OTULINL: variants seen among roughly 807,000 people sequenced by gnomAD.
OTULINL encodes inactive ubiquitin thioesterase OTULINL.
Under a neutral mutation model 43.9 loss-of-function variants are expected in OTULINL, and 42 were observed. The ratio of observed to expected loss-of-function variants is 0.96; its 90% CI spans 0.75 to 1.24. OTULINL has a LOEUF of 1.24. Ranked by LOEUF, OTULINL falls within the 50% of genes most tolerant of loss-of-function variation. OTULINL has a pLI of 0.00. For synonymous variants in OTULINL, 172 were observed against 153.6 expected (o/e 1.12, Z -0.88); for missense variants, 411 against 426.4 (o/e 0.96, Z 0.32).
Position 14,597,136 on chromosome 5 carries a change from G to A in OTULINL, c.65-3829G>A, listed in dbSNP as rs1167129239. On this transcript the variant is annotated intron_variant, in intron 1 of 7. Coordinates refer to ENST00000274217, the MANE Select transcript of OTULINL (RefSeq NM_019018.3). Reference sequence around the variant, plus strand: ...CCTCAAAGTTTTCTCTGCAAAATAAGGGTTACTAGAGTAATAACAATAAAA... The same window carrying A: ...CCTCAAAGTTTTCTCTGCAAAATAAAGGTTACTAGAGTAATAACAATAAAA... Among the ~76,000 whole-genome samples the A allele has an allele frequency of 5.3e-5, 8 of 152,220 alleles. No individual in the cohort carries two copies. The Middle Eastern group carries it at 0.01, about 194-fold the overall frequency.
intron 1 of OTULINL, among the ~76,000 whole-genome samples, chr5:14,598,214 A>G (rs1317417627): frequency 6.6e-6 from 1 of 152,172 alleles, no homozygotes; most frequent in Non-Finnish European, 1.5e-5. Flanking sequence ...AGCCATCCCC[A>G]CTTCAGTGAC....
At position 14,614,599 on chromosome 5, in the gene OTULINL, A is replaced by G. The variant is rs912839112; in HGVS notation, c.*4285A>G. Reference sequence around the variant, plus strand: ...ATCAACATGGTTTATAAGTGGACAGAAAAACACTCACTCACGTATTCAGCC... The same window carrying G: ...ATCAACATGGTTTATAAGTGGACAGGAAAACACTCACTCACGTATTCAGCC... On this transcript the variant is annotated 3_prime_UTR_variant, in exon 8 of 8. Transcript: ENST00000274217. 1 of 398,202 alleles carries G rather than the reference A, an allele frequency of 2.5e-6. No individual in the cohort carries two copies. The highest frequency in any genetic ancestry group is 6.3e-4 in the Middle Eastern group (1 of 1,588). The allele number at this position is 398,202 out of a possible 1,614,324, so 24.7% of individuals were successfully genotyped here.
chr5:14,593,256 G>A (rs1036178881), intron 1 of OTULINL, among the ~76,000 whole-genome samples: 5 of 152,234 alleles, frequency 3.3e-5, no homozygotes, highest in Non-Finnish European at 7.3e-5. Context: ...GTTGCCAGCC[G>A]AGAGGTATGT....
intron 1 of OTULINL, among the ~76,000 whole-genome samples, chr5:14,584,836 T>C (rs531766431): frequency 9.4e-4 from 143 of 152,296 alleles, no homozygotes; most frequent in African/African-American, 3.4e-3. Context: ...GGCACAACTG[T>C]ATGTATGAAG....
At position 14,610,397 on chromosome 5, in the gene OTULINL, C is replaced by A; in HGVS notation, c.*83C>A. 3 of 1,412,696 alleles carry A rather than the reference C, an allele frequency of 2.1e-6. No individual in the cohort carries two copies. Among genetic ancestry groups the A allele is most frequent in the Middle Eastern group, 2.6e-4 (1 of 3,898 alleles). The allele number at this position is 1,412,696 out of a possible 1,614,324, so 87.5% of individuals were successfully genotyped here. The stretch of plus-strand genomic sequence containing the variant: ...AGTCTCTCTCTGAAACCAAAGCTAG[C>A]ATTTCAGCATGGAAGGAATTAGGAC... On this transcript the variant is annotated 3_prime_UTR_variant, in exon 8 of 8. Coordinates refer to ENST00000274217, the MANE Select transcript of OTULINL (RefSeq NM_019018.3).
chr5:14,600,663 T>C (rs1250835922), intron 1 of OTULINL, among the ~76,000 whole-genome samples: 1 of 152,166 alleles, frequency 6.6e-6, no homozygotes, highest in South Asian at 2.1e-4. Context: ...CATCAAATAG[T>C]AGAGGCAGGT....
rs752229212 is a variant in OTULINL, at chr5:14,610,315, G to A, written c.*1G>A. On this transcript the variant is annotated 3_prime_UTR_variant, in exon 8 of 8. Coordinates refer to ENST00000274217, the MANE Select transcript of OTULINL (RefSeq NM_019018.3). Reference sequence around the variant, plus strand: ...CCACTACCACATTCCAGTCTTTTAAGTCCGCTGGGGGCCGAACAGCAGTGC... The same window carrying A: ...CCACTACCACATTCCAGTCTTTTAAATCCGCTGGGGGCCGAACAGCAGTGC... 1 of 1,612,352 alleles carries A rather than the reference G, an allele frequency of 6.2e-7. No individual in the cohort carries two copies. The highest frequency in any genetic ancestry group is 1.7e-5 in the Admixed American group (1 of 60,018).
intron 6 of OTULINL, 25 bp from the exon 7 acceptor site, chr5:14,608,723 A>G: frequency 6.4e-7 from 1 of 1,569,192 alleles, no homozygotes; most frequent in Non-Finnish European, 8.7e-7. Flanking sequence ...ATCCTTCTGA[A>G]TTTCACTTTT....
At position 14,581,955 on chromosome 5, in the gene OTULINL, G is replaced by C. The variant is rs1759007257; in HGVS notation, c.61G>C (p.Ala21Pro). Reference sequence around the variant, plus strand: ...GCGGGAGCGGTCTGGCGCTCCCGCCGCAGGTGAGCCTGGGGCCGGGCGGGG... The same window carrying C: ...GCGGGAGCGGTCTGGCGCTCCCGCCCCAGGTGAGCCTGGGGCCGGGCGGGG... Reference protein sequence around the residue: ...RERERSGAPAAGSDQVHSWML... With the variant: ...RERERSGAPAPGSDQVHSWML... The change falls in exon 1 of 8, where the codon GCA becomes CCA. Residue 21 changes from alanine (A) to proline (P), a missense_variant. Coordinates refer to ENST00000274217, the MANE Select transcript of OTULINL (RefSeq NM_019018.3). The C allele has an allele frequency of 1.5e-6, 2 of 1,353,502 alleles. No individual in the cohort carries two copies. The highest frequency in any genetic ancestry group is 1.5e-5 in the African/African-American group (1 of 65,228). The allele number at this position is 1,353,502 out of a possible 1,614,324, so 83.8% of individuals were successfully genotyped here. A position where few individuals can be genotyped will look rare whatever the true frequency, so the allele number is the denominator to read the frequency against.
At chr5:14,586,129 C>T (rs1442902121) in intron 1 of OTULINL, among the ~76,000 whole-genome samples, 2 of 152,200 alleles carry the variant, frequency 1.3e-5, no homozygotes, top group Admixed American at 6.5e-5. Flanking sequence ...TCCTTCCATT[C>T]TCTTCTGTCC....
At chr5:14,597,069 T>A (rs919405180) in intron 1 of OTULINL, among the ~76,000 whole-genome samples, 11 of 152,202 alleles carry the variant, frequency 7.2e-5, no homozygotes, top group African/African-American at 2.4e-4. Context: ...GCTCTTCTAC[T>A]TACTGGCCGA....
chr5:14,609,115 G>A (rs999957686), intron 7 of OTULINL, 98 bp downstream of exon 7: 4 of 1,217,030 alleles, frequency 3.3e-6, no homozygotes, highest in Non-Finnish European at 4.6e-6. Context: ...GGTGACATAA[G>A]CGATTGCACA....
At chr5:14,588,857 ACTT>A (rs764977131) in intron 1 of OTULINL, among the ~76,000 whole-genome samples, 1 of 152,230 alleles carries the variant, frequency 6.6e-6, no homozygotes, top group East Asian at 1.9e-4. Flanking sequence ...ACATTCAACA[ACTT>A]CTTGGCCAGA....
At position 14,601,209 on chromosome 5, in the gene OTULINL, T is replaced by G. The variant is rs1326598517; in HGVS notation, c.225-4T>G. 6.2e-7 allele frequency: 1 copy of G among 1,611,986 alleles called. No individual in the cohort carries two copies. The highest frequency in any genetic ancestry group is 1.7e-5 in the Admixed American group (1 of 59,608). On this transcript the variant is annotated splice_polypyrimidine_tract_variant and splice_region_variant and intron_variant, in intron 2 of 7. Coordinates refer to ENST00000274217, the MANE Select transcript of OTULINL (RefSeq NM_019018.3). ...TGATATTATTGTTCCCTTTTATCTT[T>G]CAGGTGGATTGGATATCTGCAGAGA...
Position 14,585,873 on chromosome 5 carries a change from G to A in OTULINL, c.64+3915G>A, listed in dbSNP as rs139612137. Among the ~76,000 whole-genome samples the A allele has an allele frequency of 5.0e-4, 76 of 152,304 alleles. 2 individuals are homozygous for A. The East Asian group carries it at 0.011, about 22-fold the overall frequency. On this transcript the variant is annotated intron_variant, in intron 1 of 7. Transcript: ENST00000274217. ...AGTTCTAGCTTCTACCTGAGAGCTCGCCATAGTTTCCAAGGTTACCTTATT... is the reference window on the plus strand; with the variant it reads ...AGTTCTAGCTTCTACCTGAGAGCTCACCATAGTTTCCAAGGTTACCTTATT...
At chr5:14,582,635 GA>G (rs1759029040) in intron 1 of OTULINL, among the ~76,000 whole-genome samples, 1 of 151,886 alleles carries the variant, frequency 6.6e-6, no homozygotes, top group African/African-American at 2.4e-5. Flanking sequence ...CCAGCATAGT[GA>G]AACCTTGTCT....
At chr5:14,601,565 C>T (rs905753881) in intron 4 of OTULINL, 123 bp downstream of exon 4, 1 of 879,930 alleles carries the variant, frequency 1.1e-6, no homozygotes, top group Non-Finnish European at 1.7e-6. Flanking sequence ...AGTCAAGTAA[C>T]AACTGTGGCT....
At chr5:14,606,301 GC>G (rs1283490234) in intron 5 of OTULINL, among the ~76,000 whole-genome samples, 1 of 152,110 alleles carries the variant, frequency 6.6e-6, no homozygotes, top group Non-Finnish European at 1.5e-5. Context: ...AAAAAGACTT[GC>G]CCCCACGATT....
At chr5:14,601,606 T>C (rs558326469) in intron 4 of OTULINL, among the ~76,000 whole-genome samples, 164 bp downstream of exon 4, 1 of 152,360 alleles carries the variant, frequency 6.6e-6, no homozygotes, top group East Asian at 1.9e-4. Flanking sequence ...CTGTTAGACC[T>C]TGGCTTTGGG....
Sources: allele counts gnomAD v4.1 joint callset (sites outside exome capture counted in the v4.1 genomes callset), GRCh38; gene constraint gnomAD v4.1.1; transcripts MANE v1.5; gene names NCBI Gene and HGNC (gene_info 2026-07-23, HGNC 2026-07-21).